RAPGEF6: variants seen among roughly 807,000 people sequenced by gnomAD.
RAPGEF6 encodes Rap guanine nucleotide exchange factor 6.
A neutral mutation model predicts 171.4 loss-of-function variants in RAPGEF6; 56 were observed. The observed-to-expected ratio is 0.33, with a 90% CI of 0.26 to 0.41. The LOEUF (loss-of-function observed/expected upper bound fraction) is 0.41. Among genes scored for constraint, RAPGEF6 ranks in the 10% least tolerant of loss-of-function variants. RAPGEF6 has a pLI of 1.00. For missense variants in RAPGEF6, 1,674 were observed against 1,921.4 expected, an observed-to-expected ratio of 0.87 and a Z score of 2.41; for synonymous variants, 692 against 650.1, an observed-to-expected ratio of 1.06 and a Z score of -0.98.
chr5:131,610,101 T>C (rs1325055025), intron 1 of RAPGEF6, among the ~76,000 whole-genome samples: 1 of 152,190 alleles, frequency 6.6e-6, no homozygotes, highest in African/African-American at 2.4e-5. Context: ...AATATGAAGA[T>C]ACATCAAACC....
chr5:131,503,799 TAA>T (rs1299551216), intron 11 of RAPGEF6, among the ~76,000 whole-genome samples: 4 of 152,186 alleles, frequency 2.6e-5, no homozygotes, highest in African/African-American at 9.7e-5. Context: ...GTATGGGGGT[TAA>T]TACTCAGACT....
intron 6 of RAPGEF6, among the ~76,000 whole-genome samples, chr5:131,546,299 C>T (rs1173483871): frequency 6.6e-6 from 1 of 151,944 alleles, no homozygotes; most frequent in Non-Finnish European, 1.5e-5. Flanking sequence ...TACTTAGCAC[C>T]TTAATTTTTA....
chr5:131,577,597 G>C (rs963147837), intron 4 of RAPGEF6, among the ~76,000 whole-genome samples: 1 of 152,124 alleles, frequency 6.6e-6, no homozygotes, highest in Non-Finnish European at 1.5e-5. Context: ...ACCCTAGCTG[G>C]ATGATCAGTT....
At chr5:131,530,140 AG>A (rs1370195089) in intron 6 of RAPGEF6, among the ~76,000 whole-genome samples, 8 of 149,254 alleles carry the variant, frequency 5.4e-5, no homozygotes, top group Non-Finnish European at 1.2e-4. Context: ...ACATCTCTTA[AG>A]AAAAAAAAAA....
chr5:131,571,979 C>G (rs1408624644), intron 4 of RAPGEF6, among the ~76,000 whole-genome samples: 1 of 152,034 alleles, frequency 6.6e-6, no homozygotes, highest in Admixed American at 6.5e-5. Flanking sequence ...AATATCCATC[C>G]CCTGCCTGCA....
chr5:131,439,463 A>T lies in RAPGEF6; in HGVS notation c.3745+118T>A. On this transcript the variant is annotated intron_variant, in intron 24 of 27. Transcript: ENST00000509018. ...TACAAAACATCAAAGTTCAAAAAGC[A>T]TTAGGAGTTATGCTTTTCTTAATGA... 7 of 1,432,592 alleles carry T rather than the reference A, an allele frequency of 4.9e-6. 1 individual carries two copies. In the South Asian group the frequency reaches 1.1e-4, roughly 22 times the overall value. The allele number at this position is 1,432,592 out of a possible 1,614,324, so 88.7% of individuals were successfully genotyped here.
At chr5:131,435,818 G>A in intron 24 of RAPGEF6, 1 of 1,395,620 alleles carries the variant, frequency 7.2e-7, no homozygotes, top group Non-Finnish European at 9.4e-7. Flanking sequence ...GTACAAATGA[G>A]GCATTTTCAA....
At chr5:131,520,595 C>T (rs1379279930) in intron 7 of RAPGEF6, among the ~76,000 whole-genome samples, 4 of 152,118 alleles carry the variant, frequency 2.6e-5, no homozygotes, top group African/African-American at 9.7e-5. Context: ...CAAACCAACC[C>T]TCAATATCAT....
chr5:131,546,193 C>T (rs72787080), intron 6 of RAPGEF6, among the ~76,000 whole-genome samples: 1 of 152,286 alleles, frequency 6.6e-6, no homozygotes, highest in Non-Finnish European at 1.5e-5. Context: ...CTAGCTCACA[C>T]TAGGAAAACT....
intron 17 of RAPGEF6, 39 bp downstream of exon 17, chr5:131,472,548 G>A: frequency 1.3e-6 from 2 of 1,588,352 alleles, no homozygotes; most frequent in Non-Finnish European, 1.7e-6. Context: ...TGTTCATTTG[G>A]TACCAATACG....
At chr5:131,525,864 G>A (rs77454424) in intron 6 of RAPGEF6, among the ~76,000 whole-genome samples, 2 of 152,060 alleles carry the variant, frequency 1.3e-5, no homozygotes, top group East Asian at 3.8e-4. Flanking sequence ...CTCCCAAGTG[G>A]CTTCATAGTA....
At chr5:131,535,817 C>T (rs1759727185) in intron 6 of RAPGEF6, among the ~76,000 whole-genome samples, 1 of 151,998 alleles carries the variant, frequency 6.6e-6, no homozygotes, top group African/African-American at 2.4e-5. Context: ...CTGATAGTTA[C>T]TAAACTAACT....
intron 21 of RAPGEF6, among the ~76,000 whole-genome samples, chr5:131,451,112 T>C (rs978084651): frequency 5.3e-5 from 8 of 152,182 alleles, no homozygotes; most frequent in African/African-American, 1.7e-4. Context: ...TGGTACCTAG[T>C]TCTTACTATT....
rs1220960967 is a variant in RAPGEF6 at position 131,528,061 on chromosome 5, T to TATATAAATTTATAATTTATATTATATGTA, written c.496-6569_496-6541dup. ...TTATATATAATTATATATAATATAA[T>TATATAAATTTATAATTTATATTATATGTA]ATATAAATTTATAATTTATATTATA... On this transcript the variant is annotated intron_variant, in intron 6 of 27. Coordinates refer to ENST00000509018, the MANE Select transcript of RAPGEF6 (RefSeq NM_016340.6). 2.4e-4 allele frequency among the ~76,000 whole-genome samples: 26 copies of TATATAAATTTATAATTTATATTATATGTA among 107,242 alleles called. 1 individual carries two copies. In the South Asian group the frequency reaches 6.1e-3, roughly 25 times the overall value. The allele number at this position is 107,242 out of a possible 152,430, so 70.4% of individuals were successfully genotyped here.
In RAPGEF6 at chr5:131,546,842, T is replaced by C. The variant is rs536497364; in HGVS notation, c.495+1205A>G. Among the ~76,000 whole-genome samples the C allele has an allele frequency of 7.2e-5, 11 of 152,292 alleles. No homozygotes were observed. The South Asian group carries it at 2.3e-3, about 32-fold the overall frequency. On this transcript the variant is annotated intron_variant, in intron 6 of 27. Coordinates refer to ENST00000509018, the MANE Select transcript of RAPGEF6 (RefSeq NM_016340.6). Reference sequence around the variant, plus strand: ...AGCAAAAACCTTACAGATTTATCTGTATGTTGAAAAGCTTTATCCAAGAAT... The same window carrying C: ...AGCAAAAACCTTACAGATTTATCTGCATGTTGAAAAGCTTTATCCAAGAAT...
rs1752856075 is a variant in RAPGEF6, at chr5:131,448,399, C to A, written c.3201-1696G>T. Among the ~76,000 whole-genome samples, 3 of 152,176 alleles carry A rather than the reference C, an allele frequency of 2.0e-5. No homozygotes were observed. The South Asian group carries it at 6.2e-4, about 32-fold the overall frequency. On this transcript the variant is annotated intron_variant, in intron 21 of 27. Coordinates refer to ENST00000509018, the MANE Select transcript of RAPGEF6 (RefSeq NM_016340.6). ...ATCCATAGCCAAGTCCATAAGAGCT[C>A]CTTCAATAAGCATAAAGTAGAAATT...
chr5:131,567,984 A>G (rs1017892018), intron 4 of RAPGEF6, among the ~76,000 whole-genome samples: 3 of 152,158 alleles, frequency 2.0e-5, no homozygotes, highest in African/African-American at 7.2e-5. Flanking sequence ...CTTAAAATCT[A>G]TTTTGACTCA....
intron 1 of RAPGEF6, among the ~76,000 whole-genome samples, chr5:131,615,784 C>T (rs1194065134): frequency 1.3e-5 from 2 of 152,102 alleles, no homozygotes; most frequent in African/African-American, 4.8e-5. Context: ...CACCTGTAGT[C>T]CCAGCTACTT....
intron 11 of RAPGEF6, among the ~76,000 whole-genome samples, chr5:131,503,883 G>T (rs1757182441): frequency 6.6e-6 from 1 of 152,152 alleles, no homozygotes; most frequent in Admixed American, 6.5e-5. Context: ...TCCATATCCA[G>T]ATAAGAAAAG....
Sources: gnomAD v4.1 joint callset for allele counts (sites outside exome capture counted in the v4.1 genomes callset) on GRCh38, gnomAD v4.1.1 for gene constraint, MANE v1.5 for transcripts, NCBI Gene and HGNC (gene_info 2026-07-23, HGNC 2026-07-21) for gene names.